Variants in DHRS4L2 observed in about 807,000 individuals in gnomAD.
DHRS4L2 encodes dehydrogenase/reductase SDR family member 4-like 2.
In DHRS4L2, 22 loss-of-function variants were observed where a neutral mutation model predicts 23.9. The ratio of observed to expected loss-of-function variants is 0.92; its 90% CI spans 0.66 to 1.31. The LOEUF is 1.31. Among genes scored for constraint, DHRS4L2 ranks in the 40% most tolerant of loss-of-function variants. DHRS4L2 has a pLI of 0.00. For synonymous variants in DHRS4L2, 141 were observed against 123.7 expected, an observed-to-expected ratio of 1.14 and a Z score of -0.93; for missense variants, 385 against 303.3, an observed-to-expected ratio of 1.27 and a Z score of -2.00.
rs549254859 is a variant in DHRS4L2, at chr14:23,994,887, G to A, written c.307-145G>A. On this transcript the variant is annotated intron_variant, in intron 2 of 7. Coordinates refer to ENST00000335125, the MANE Select transcript of DHRS4L2 (RefSeq NM_198083.4). Reference sequence around the variant, plus strand: ...TTCTCTCAAATTCCTCAGCTCAAGTGAGCCTCCCACCTTGGCCTCCCAAAG... The same window carrying A: ...TTCTCTCAAATTCCTCAGCTCAAGTAAGCCTCCCACCTTGGCCTCCCAAAG... The A allele has an allele frequency of 9.0e-6, 8 of 892,592 alleles. No individual in the cohort carries two copies. The East Asian group carries it at 1.7e-4, about 19-fold the overall frequency. The allele number at this position is 892,592 out of a possible 1,614,324, so 55.3% of individuals were successfully genotyped here. A position where few individuals can be genotyped will look rare whatever the true frequency, so the allele number is the denominator to read the frequency against.
At chr14:23,983,878 T>C (rs1187871927), upstream of DHRS4L2, among the ~76,000 whole-genome samples, 1 of 151,096 alleles carries the variant, frequency 6.6e-6, no homozygotes, top group South Asian at 2.1e-4. Context: ...CCAGGGCCTG[T>C]TGGGTTTATA....
At chr14:24,001,300 C>A (rs62000760) in intron 5 of DHRS4L2, 84 bp from the exon 6 acceptor site, 1 of 1,564,116 alleles carries the variant, frequency 6.4e-7, no homozygotes, top group Admixed American at 1.8e-5. Context: ...GAGATCCCTA[C>A]TGAGCACTGC....
rs1347776562 is a variant in DHRS4L2 at position 24,001,503 on chromosome 14, A to G, written c.651A>G (p.Leu217=). 1 of 1,602,732 alleles carries G rather than the reference A, an allele frequency of 6.2e-7. No homozygotes were observed. The highest frequency in any genetic ancestry group is 8.5e-7 in the Non-Finnish European group (1 of 1,177,646). The part of the protein sequence containing the change: ...VNCLHLDLSR[L]ASAGCSGWTR... ...GCCTGCACCTGGACTTATCAAGACTAGCTTCAGCAGGATGGTGAGGAAGGG... is the reference window on the plus strand; with the variant it reads ...GCCTGCACCTGGACTTATCAAGACTGGCTTCAGCAGGATGGTGAGGAAGGG... The change falls in exon 6 of 8, where the codon CTA becomes CTG. Residue 217 remains leucine (L), a synonymous_variant. Transcript: ENST00000335125.
chr14:23,975,308 C>A (rs1416809959), intron 1 of DHRS4L2, among the ~76,000 whole-genome samples: 2 of 151,716 alleles, frequency 1.3e-5, no homozygotes, highest in Non-Finnish European at 2.9e-5. Context: ...AGAGCCAAAT[C>A]ATGAGTGAAG....
intron 1 of DHRS4L2, among the ~76,000 whole-genome samples, chr14:23,982,813 C>T (rs530810706): frequency 6.6e-6 from 1 of 151,578 alleles, no homozygotes; most frequent in East Asian, 1.9e-4. Context: ...AAACTGGACC[C>T]CTTCCTTACA....
chr14:23,990,143 G>A (rs2034236070), intron 1 of DHRS4L2, 39 bp from the exon 2 acceptor site: 1 of 1,608,492 alleles, frequency 6.2e-7, no homozygotes, highest in Non-Finnish European at 8.5e-7. Context: ...CTCTTCCCCT[G>A]CACAGGCCTT....
At chr14:23,987,132 T>G (rs1594461352), upstream of DHRS4L2, 5 of 288,010 alleles carry the variant, frequency 1.7e-5, no homozygotes, top group South Asian at 7.9e-5. Flanking sequence ...GAAATCCTTG[T>G]TTTTTTTCTT....
upstream of DHRS4L2, chr14:23,987,259 T>C (rs1374889390): frequency 2.7e-5 from 9 of 333,218 alleles, 1 homozygote; most frequent in Non-Finnish European, 5.4e-5. Flanking sequence ...GCCTCCCGAG[T>C]AGCTGGGACT....
rs769328918 is a variant in DHRS4L2, at chr14:23,979,351, TTAACA to T, written c.-176+9020_-176+9024del. ...TCCCACACAATAGCAATGGGAGACG[TTAACA>T]CCCCAACACCCCACTGTCAGTATTA... On this transcript the variant is annotated intron_variant, in intron 1 of 5. Transcript: ENST00000534993. Among the ~76,000 whole-genome samples the T allele has an allele frequency of 9.2e-4, 110 of 118,962 alleles. 5 individuals carry two copies. The highest frequency in any genetic ancestry group is 1.4e-3 in the Non-Finnish European group (83 of 60,002). The allele number at this position is 118,962 out of a possible 152,430, so 78.0% of individuals were successfully genotyped here. A position where few individuals can be genotyped will look rare whatever the true frequency, so the allele number is the denominator to read the frequency against.
chr14:23,988,802 A>C (rs1006618378), upstream of DHRS4L2: 6 of 1,398,976 alleles, frequency 4.3e-6, no homozygotes, highest in Non-Finnish European at 5.6e-6. Flanking sequence ...GGGCGGCGGG[A>C]GGCGCCAACC....
At chr14:23,970,088 G>C (rs745602310) in exon 1 of DHRS4L2, 1 of 456,510 alleles carries the variant, frequency 2.2e-6, no homozygotes, top group East Asian at 7.0e-5. Context: ...CTCGGCAGTA[G>C]GGGTCAGGGT....
At chr14:23,975,366 C>T (rs2033946350) in intron 1 of DHRS4L2, among the ~76,000 whole-genome samples, 1 of 151,698 alleles carries the variant, frequency 6.6e-6, no homozygotes, top group African/African-American at 2.4e-5. Flanking sequence ...AGAAATCCAA[C>T]TTACAAGGGA....
chr14:23,995,928 A>G lies in DHRS4L2; in HGVS notation c.408+795A>G, dbSNP rs552181315. 5.3e-5 allele frequency among the ~76,000 whole-genome samples: 8 copies of G among 151,914 alleles called. No individual in the cohort carries two copies. The East Asian group carries it at 1.5e-3, about 29-fold the overall frequency. The stretch of plus-strand genomic sequence containing the variant: ...TATAAAGGAATACCTGAGCTGGGCA[A>G]TTTATAAAGAAAAGAAGTGTGTTTT... On this transcript the variant is annotated intron_variant, in intron 3 of 7. Coordinates refer to ENST00000335125, the MANE Select transcript of DHRS4L2 (RefSeq NM_198083.4).
chr14:23,970,445 A>C (rs2033831412), intron 1 of DHRS4L2: 4 of 354,118 alleles, frequency 1.1e-5, no homozygotes, highest in Middle Eastern at 2.0e-3. Flanking sequence ...CTATGATCAC[A>C]GTGTAAACAA....
At position 24,001,483 on chromosome 14, in the gene DHRS4L2, C is replaced by G. The variant is rs1340962152; in HGVS notation, c.631C>G (p.His211Asp). Residue 211 changes from histidine (H) to aspartate (D), a missense_variant, in exon 6 of 8, where the codon CAC becomes GAC. Physicochemically the swap from His to Asp is moderately conservative, Grantham distance 81. Transcript: ENST00000335125. ...AAGGAACATTAGGGTGAACTGCCTG[C>G]ACCTGGACTTATCAAGACTAGCTTC... ...APRNIRVNCL[H>D]LDLSRLASAG... The G allele has an allele frequency of 6.3e-7, 1 of 1,596,210 alleles. No homozygotes were observed. Among genetic ancestry groups the G allele is most frequent in the African/African-American group, 1.4e-5 (1 of 69,850 alleles).
In DHRS4L2 at chr14:23,978,960, T is replaced by C. The variant is rs1056697987; in HGVS notation, c.-176+8628T>C. 4.2e-5 allele frequency among the ~76,000 whole-genome samples: 6 copies of C among 144,126 alleles called. 1 individual carries two copies. The highest frequency in any genetic ancestry group is 1.6e-4 in the African/African-American group (6 of 38,612). The allele number at this position is 144,126 out of a possible 152,430, so 94.6% of individuals were successfully genotyped here. On this transcript the variant is annotated intron_variant, in intron 1 of 5. Transcript: ENST00000534993. Reference sequence around the variant, plus strand: ...CACACATAACAATATTAACCTTAAATGTAAACAGGCTAAGTGCCCCAAGTA... The same window carrying C: ...CACACATAACAATATTAACCTTAAACGTAAACAGGCTAAGTGCCCCAAGTA...
At chr14:23,971,763 C>T (rs562582986) in intron 1 of DHRS4L2, among the ~76,000 whole-genome samples, 1 of 152,156 alleles carries the variant, frequency 6.6e-6, no homozygotes, top group South Asian at 2.1e-4. Flanking sequence ...AAATCCTTTG[C>T]AGACAAGGAG....
upstream of DHRS4L2, chr14:23,988,881 C>A: frequency 1.9e-6 from 3 of 1,580,830 alleles, no homozygotes; most frequent in Non-Finnish European, 2.6e-6. Context: ...GCCCTTCGTC[C>A]TGCCCCTTCG....
In DHRS4L2 at chr14:23,995,067, C is replaced by T. The variant is rs1305655159; in HGVS notation, c.342C>T (p.Val114=). 1.2e-6 allele frequency: 2 copies of T among 1,613,054 alleles called. No individual in the cohort carries two copies. Among genetic ancestry groups the T allele is most frequent in the African/African-American group, 1.3e-5 (1 of 75,006 alleles). ...TTCATGGAGGTATCGATATCCTAGT[C>T]TCCAATGCTGCTGTCAACCCTTTCT... ...VKLHGGIDIL[V]SNAAVNPFFG... The change falls in exon 3 of 8, where the codon GTC becomes GTT. Residue 114 remains valine, a synonymous_variant. Transcript: ENST00000335125.
Sources: allele counts gnomAD v4.1 joint callset (sites outside exome capture counted in the v4.1 genomes callset), GRCh38; gene constraint gnomAD v4.1.1; transcripts MANE v1.5; gene names NCBI Gene and HGNC (gene_info 2026-07-23, HGNC 2026-07-21).